The following SYT7 variants were observed in gnomAD, a reference collection of about 807,000 sequenced individuals.
SYT7 encodes the protein synaptotagmin-7.
A neutral mutation model predicts 75.1 loss-of-function variants in SYT7; 29 were observed. The ratio of observed to expected loss-of-function variants is 0.39; its 90% CI spans 0.29 to 0.53. SYT7 has a LOEUF of 0.53. SYT7 is among the 20% of genes least tolerant of loss of function. The pLI is 0.77. For synonymous variants in SYT7, 376 were observed against 401.7 expected (o/e 0.94, Z 0.76); for missense variants, 693 against 953.2 (o/e 0.73, Z 3.59).
At position 61,524,465 on chromosome 11, in the gene SYT7, G is replaced by A. The variant is rs1234074072; in HGVS notation, c.1539C>T (p.Ser513=). 2 of 1,613,128 alleles carry A rather than the reference G, an allele frequency of 1.2e-6. No homozygotes were observed. Among genetic ancestry groups the A allele is most frequent in the East Asian group, 2.2e-5 (1 of 44,890 alleles). ...YLQVLDYDRF[S]RNDPIGEVSI... ...ACACCTCCCCAATGGGGTCGTTGCG[G>A]CTGAAGCGGTCATAGTCCAGGACTT... The change falls in exon 10 of 13, where the codon AGC becomes AGT. Residue 513 remains serine, a synonymous_variant. Coordinates refer to ENST00000539008, the MANE Select transcript of SYT7 (RefSeq NM_001365809.2). The surrounding 1 kb of genome is among the most constrained non-coding windows in gnomAD (Gnocchi z 4.1).
intron 8 of SYT7, 41 bp from the exon 9 acceptor site, chr11:61,528,226 C>A: frequency 6.3e-7 from 1 of 1,596,010 alleles, no homozygotes; most frequent in South Asian, 1.1e-5. Flanking sequence ...GGGGAGGATT[C>A]TGCTTCCCCC....
rs186204720 is a variant in SYT7, at chr11:61,570,681, T to C, written c.31+10109A>G. On this transcript the variant is annotated intron_variant, in intron 1 of 12. Transcript: ENST00000539008. Reference sequence around the variant, plus strand: ...TGTGCAGGTCCCTGAGTTCCCAAGGTCCCAGAACAGCCCTGGCACAATCTA... The same window carrying C: ...TGTGCAGGTCCCTGAGTTCCCAAGGCCCCAGAACAGCCCTGGCACAATCTA... 3.0e-3 allele frequency among the ~76,000 whole-genome samples: 463 copies of C among 152,246 alleles called. 6 individuals are homozygous for C. In the South Asian group the frequency reaches 0.038, roughly 13 times the overall value.
intron 1 of SYT7, among the ~76,000 whole-genome samples, chr11:61,567,728 C>G (rs922542260): frequency 1.3e-5 from 2 of 152,226 alleles, no homozygotes; most frequent in African/African-American, 4.8e-5. Context: ...GGCACTGCAC[C>G]CCGGCGGGCG....
intron 3 of SYT7, among the ~76,000 whole-genome samples, chr11:61,550,852 C>T (rs1057509394): frequency 6.6e-6 from 1 of 152,122 alleles, no homozygotes; most frequent in Non-Finnish European, 1.5e-5. Context: ...ACACAGCGGC[C>T]GGTGGGGTTG....
rs2063406441 is a variant in SYT7 at position 61,553,359 on chromosome 11, C to T, written c.136-1896G>A. Among the ~76,000 whole-genome samples, 1 of 152,226 alleles carries T rather than the reference C, an allele frequency of 6.6e-6. No individual in the cohort carries two copies. Among genetic ancestry groups the T allele is most frequent in the Non-Finnish European group, 1.5e-5 (1 of 68,036 alleles). ...TGGGGCTGCTGAGGGCATCCCATGC[C>T]ACCCCTCGCCCTTCTCTTCCTTCTT... On this transcript the variant is annotated intron_variant, in intron 2 of 12. Coordinates refer to ENST00000539008, the MANE Select transcript of SYT7 (RefSeq NM_001365809.2). This position sits in a 1 kb window ranked among gnomAD's most constrained non-coding sequence, Gnocchi z 5.2.
At chr11:61,544,023 G>A (rs757152738) in intron 5 of SYT7, among the ~76,000 whole-genome samples, 24 of 152,230 alleles carry the variant, frequency 1.6e-4, no homozygotes, top group Non-Finnish European at 3.1e-4. Flanking sequence ...TGTAAATAAA[G>A]TTTTATTGGA....
rs1312192550 is a variant in SYT7 at position 61,538,342 on chromosome 11, AGAGG to A, written c.942-80_942-77del. ...GGGCGGGGGCAGGGGGGAAGGAGAGAGAGGGAGAGAGAGAGAGAGAGAGAGAGAG... is the reference window on the plus strand; with the variant it reads ...GGGCGGGGGCAGGGGGGAAGGAGAGAGAGAGAGAGAGAGAGAGAGAGAGAG... On this transcript the variant is annotated intron_variant, in intron 6 of 12. Transcript: ENST00000539008. The A allele has an allele frequency of 1.5e-4, 127 of 848,844 alleles. 1 individual carries two copies. The African/African-American group carries it at 2.3e-3, about 15-fold the overall frequency. The allele number at this position is 848,844 out of a possible 1,614,324, so 52.6% of individuals were successfully genotyped here.
intron 1 of SYT7, among the ~76,000 whole-genome samples, chr11:61,560,024 G>A (rs2063597351): frequency 6.6e-6 from 1 of 152,164 alleles, no homozygotes; most frequent in South Asian, 2.1e-4. Context: ...TCCCCACTCA[G>A]AGGACAAGCC....
intron 1 of SYT7, among the ~76,000 whole-genome samples, chr11:61,567,161 C>T (rs1023816798): frequency 6.6e-6 from 1 of 152,204 alleles, no homozygotes; most frequent in African/African-American, 2.4e-5. Flanking sequence ...GAGACCACTG[C>T]GGATCTGAAT....
rs1215631191 is a variant in SYT7 at position 61,533,148 on chromosome 11, A to G, written c.1065-24T>C. 2.6e-6 allele frequency: 4 copies of G among 1,554,204 alleles called. No homozygotes were observed. In the Admixed American group the frequency reaches 5.3e-5, roughly 21 times the overall value. ...ACCTGAGGGCAGGGGAGTCCAAATG[A>G]GATTGGGCTGGGAAGTGAGCTGCGT... On this transcript the variant is annotated intron_variant, in intron 7 of 12. Transcript: ENST00000539008.
At chr11:61,528,518 G>A (rs1215892203) in intron 8 of SYT7, among the ~76,000 whole-genome samples, 1 of 152,126 alleles carries the variant, frequency 6.6e-6, no homozygotes, top group African/African-American at 2.4e-5. Flanking sequence ...CAGCTTCCCT[G>A]GCGCGTGCTG....
At chr11:61,554,157 G>GC in intron 2 of SYT7, among the ~76,000 whole-genome samples, 1 of 152,174 alleles carries the variant, frequency 6.6e-6, no homozygotes, top group South Asian at 2.1e-4. Context: ...TGTGCTGACA[G>GC]CCCCCCATCT....
In SYT7 at chr11:61,524,496, T is replaced by G. The variant is rs1247558578; in HGVS notation, c.1508A>C (p.Tyr503Ser). 1 of 1,608,002 alleles carries G rather than the reference T, an allele frequency of 6.2e-7. No homozygotes were observed. Among genetic ancestry groups the G allele is most frequent in the Admixed American group, 1.7e-5 (1 of 59,462 alleles). The change falls in exon 10 of 13, where the codon TAC (tyrosine) becomes TCC (serine). Residue 503 changes from tyrosine to serine, a missense_variant. By Grantham distance (144) the Tyr-to-Ser change is moderately radical. Around this residue, in one of 2 missense-constraint regions of SYT7, gnomAD observed 206 missense variants for 360.0 expected, o/e 0.57. Transcript: ENST00000539008. This position sits in a 1 kb window ranked among gnomAD's most constrained non-coding sequence, Gnocchi z 4.1. ...PYEKVVQRIL[Y>S]LQVLDYDRFS... is the part of the protein sequence containing the mutation. ...GCGGTCATAGTCCAGGACTTGGAGG[T>G]AGAGGATCCTCTGCACCACCTTCTC...
chr11:61,524,900 G>A lies in SYT7; in HGVS notation c.1472-368C>T, dbSNP rs552307475. On this transcript the variant is annotated intron_variant, in intron 9 of 12. Coordinates refer to ENST00000539008, the MANE Select transcript of SYT7 (RefSeq NM_001365809.2). The surrounding 1 kb of genome is among the most constrained non-coding windows in gnomAD (Gnocchi z 4.1). ...CTGAGCAGCCTCTGCCAATCGTCCC[G>A]AGGCGGGTCTGGGCAAGTGGCTCTG... is the stretch of plus-strand genomic sequence containing the variant. 19 of 175,222 alleles carry A rather than the reference G, an allele frequency of 1.1e-4. No individual in the cohort carries two copies. The highest frequency in any genetic ancestry group is 2.7e-3 in the Middle Eastern group (1 of 374). 10.9% of individuals were successfully genotyped at this position (175,222 alleles called of 1,614,324 possible).
chr11:61,556,205 C>G lies in SYT7; in HGVS notation c.34G>C (p.Ala12Pro), dbSNP rs1273686857. The G allele has an allele frequency of 6.2e-7, 1 of 1,612,318 alleles. No homozygotes were observed. Among genetic ancestry groups the G allele is most frequent in the Non-Finnish European group, 8.5e-7 (1 of 1,179,420 alleles). ...YRDPEAASPG[A>P]PSRDVLLVSA... ...ACCAGCAGGACGTCGCGCGAGGGCG[C>G]CCCTGGGGAGGACAGGTACAGGTCA... is the stretch of plus-strand genomic sequence containing the variant. Residue 12 changes from alanine (A) to proline (P), a missense_variant and splice_region_variant, in exon 2 of 13, where the codon GCG becomes CCG. Coordinates refer to ENST00000539008, the MANE Select transcript of SYT7 (RefSeq NM_001365809.2).
chr11:61,571,533 T>C (rs2135428032), intron 1 of SYT7, among the ~76,000 whole-genome samples: 1 of 152,330 alleles, frequency 6.6e-6, no homozygotes, highest in Non-Finnish European at 1.5e-5. Flanking sequence ...CCCCTTCTCC[T>C]CTGCTTCCTT....
rs748403598 is a variant in SYT7, at chr11:61,528,012, G to T, written c.1374C>A (p.Val458=). 1 of 1,614,168 alleles carries T rather than the reference G, an allele frequency of 6.2e-7. No homozygotes were observed. The highest frequency in any genetic ancestry group is 8.5e-7 in the Non-Finnish European group (1 of 1,180,034). ...TCTTGTCGGGCAGCAGGTAGATCTT[G>T]ACGAAGGGGTCGCTGGTGCCGCTGA... The part of the protein sequence containing the change: ...KDFSGTSDPF[V]KIYLLPDKKH... Residue 458 remains valine (V), a synonymous_variant, in exon 9 of 13, where the codon GTC becomes GTA. Transcript: ENST00000539008.
chr11:61,529,984 A>C (rs981044591), intron 8 of SYT7, among the ~76,000 whole-genome samples: 9 of 152,158 alleles, frequency 5.9e-5, no homozygotes, highest in Non-Finnish European at 1.3e-4. Context: ...CCACCTCACC[A>C]GACCCTGCCC....
At position 61,580,940 on chromosome 11, in the gene SYT7, G is replaced by A. The variant is rs1272621269; in HGVS notation, c.-120C>T. The A allele has an allele frequency of 4.0e-6, 4 of 1,009,512 alleles. No homozygotes were observed. The East Asian group carries it at 2.9e-4, about 74-fold the overall frequency. The allele number at this position is 1,009,512 out of a possible 1,614,324, so 62.5% of individuals were successfully genotyped here. On this transcript the variant is annotated 5_prime_UTR_variant, in exon 1 of 13. Coordinates refer to ENST00000539008, the MANE Select transcript of SYT7 (RefSeq NM_001365809.2). The surrounding 1 kb of genome is among the most constrained non-coding windows in gnomAD (Gnocchi z 6.1). ...CCCGGGGGCGGGTCCGAGGGCGGGG[G>A]CCGAGCGGGCTGCACCTAGCCGCGG...
Sources: allele counts gnomAD v4.1 joint callset (sites outside exome capture counted in the v4.1 genomes callset), GRCh38; gene constraint gnomAD v4.1.1; regional missense constraint gnomAD v4.1.1; non-coding constraint Gnocchi (gnomAD v3.1); transcripts MANE v1.5; gene names NCBI Gene and HGNC (gene_info 2026-07-23, HGNC 2026-07-21).